MLXIP: variants seen among roughly 807,000 people sequenced by gnomAD.
MLXIP encodes MLX interacting protein, also known as MLX-interacting protein.
A neutral mutation model predicts 87.2 loss-of-function variants in MLXIP; 30 were observed. That is an observed-to-expected ratio of 0.34 (90% CI 0.26 to 0.47). The LOEUF is 0.47. MLXIP is among the 20% of genes least tolerant of loss of function. The probability of loss-of-function intolerance (pLI) is 1.00; values close to 1 mark genes in which losing one functional copy is unlikely to be tolerated. For synonymous variants in MLXIP, 530 were observed against 514.0 expected (o/e 1.03, Z -0.42); for missense variants, 1,002 against 1,240.1 (o/e 0.81, Z 2.88).
At chr12:122,112,057 A>G (rs897918542) in intron 1 of MLXIP, among the ~76,000 whole-genome samples, 2 of 152,252 alleles carry the variant, frequency 1.3e-5, no homozygotes, top group African/African-American at 4.8e-5. Flanking sequence ...TTAAAAGATG[A>G]TGGGTGCTAA....
chr12:122,097,144 C>G (rs759990826), intron 1 of MLXIP, among the ~76,000 whole-genome samples: 12 of 152,080 alleles, frequency 7.9e-5, no homozygotes, highest in Non-Finnish European at 2.9e-5. Context: ...AGCTTTTGGC[C>G]GAAGGCATGA....
In MLXIP at chr12:122,138,420, G is replaced by A. The variant is rs1953134095; in HGVS notation, c.2257-4G>A. 1 of 1,613,458 alleles carries A rather than the reference G, an allele frequency of 6.2e-7. No homozygotes were observed. The highest frequency in any genetic ancestry group is 8.5e-7 in the Non-Finnish European group (1 of 1,179,624). On this transcript the variant is annotated splice_region_variant and splice_polypyrimidine_tract_variant and intron_variant, in intron 13 of 16. Coordinates refer to ENST00000319080, the MANE Select transcript of MLXIP (RefSeq NM_014938.6). ...CTGCCTCCAGCCACCTGCCCCTTCTGCAGACCAGTCACGCCATCACACTGC... is the reference window on the plus strand; with the variant it reads ...CTGCCTCCAGCCACCTGCCCCTTCTACAGACCAGTCACGCCATCACACTGC...
chr12:122,098,432 T>C (rs562436142), intron 1 of MLXIP, among the ~76,000 whole-genome samples: 1 of 152,314 alleles, frequency 6.6e-6, no homozygotes, highest in Non-Finnish European at 1.5e-5. Context: ...AGCAGCGCTC[T>C]TTCAGTTCTT....
intron 15 of MLXIP, among the ~76,000 whole-genome samples, chr12:122,140,181 C>T (rs1260962918): frequency 2.6e-5 from 4 of 152,158 alleles, no homozygotes; most frequent in African/African-American, 4.8e-5. Flanking sequence ...GATCAAAGTC[C>T]GAGGGGAAAC....
intron 3 of MLXIP, chr12:122,128,861 C>T (rs1284292625): frequency 2.5e-6 from 1 of 407,944 alleles, no homozygotes; most frequent in East Asian, 4.4e-5. Context: ...GTGGAGCATT[C>T]TGCTCTCACC....
intron 1 of MLXIP, among the ~76,000 whole-genome samples, chr12:122,087,557 T>C (rs1022557684): frequency 1.3e-5 from 2 of 152,112 alleles, no homozygotes; most frequent in African/African-American, 4.8e-5. Flanking sequence ...GGAGTGAGCT[T>C]GGCGCATTGC....
At chr12:122,096,696 G>A (rs757293183) in intron 1 of MLXIP, among the ~76,000 whole-genome samples, 13 of 152,220 alleles carry the variant, frequency 8.5e-5, no homozygotes, top group Non-Finnish European at 1.9e-4. Context: ...CGCACAGTCA[G>A]CAGCATGCCC....
At chr12:122,120,636 G>C (rs960899763) in intron 1 of MLXIP, among the ~76,000 whole-genome samples, 1 of 152,170 alleles carries the variant, frequency 6.6e-6, no homozygotes, top group African/African-American at 2.4e-5. Flanking sequence ...GTCAGCAGAT[G>C]GTGGCCAAAA....
rs755543419 is a variant in MLXIP, at chr12:122,138,504, G to A, written c.2337G>A (p.Glu779=). The change falls in exon 14 of 17, where the codon GAG becomes GAA. Residue 779 remains glutamate (E), a synonymous_variant. Transcript: ENST00000319080. ...LQQERGQMQE[E]ARRLREEIEE... ...AGGAGAGAGGCCAGATGCAGGAGGA[G>A]GCCCGGCGGCTGCGGGAGGAGATCG... 3.0e-5 allele frequency: 48 copies of A among 1,613,790 alleles called. No individual in the cohort carries two copies. In the East Asian group the frequency reaches 1.0e-3, roughly 34 times the overall value.
chr12:122,098,668 C>G (rs570343027), intron 1 of MLXIP, among the ~76,000 whole-genome samples: 3 of 152,272 alleles, frequency 2.0e-5, no homozygotes, highest in East Asian at 3.9e-4. Context: ...CTCAAAGTCA[C>G]GGGGACTTGA....
chr12:122,083,342 C>T (rs1952118892), intron 1 of MLXIP, among the ~76,000 whole-genome samples: 1 of 151,754 alleles, frequency 6.6e-6, no homozygotes, highest in African/African-American at 2.4e-5. Flanking sequence ...TAAATTAGGG[C>T]TTGTAAGATA....
At chr12:122,101,133 A>G (rs1952429687) in intron 1 of MLXIP, among the ~76,000 whole-genome samples, 1 of 152,222 alleles carries the variant, frequency 6.6e-6, no homozygotes, top group African/African-American at 2.4e-5. Context: ...ACTTTTTGCC[A>G]ATTATGAGAT....
At position 122,135,607 on chromosome 12, in the gene MLXIP, G is replaced by T; in HGVS notation, c.1973G>T (p.Gly658Val). ...LFPSTAQDPL[G>V]KGEQVPLHGG... ...CCAAGCACAGCGCAAGACCCCCTGGGGAAGGGCGAGCAGGTCCCGCTGCAT... is the reference window on the plus strand; with the variant it reads ...CCAAGCACAGCGCAAGACCCCCTGGTGAAGGGCGAGCAGGTCCCGCTGCAT... The change falls in exon 11 of 17, where the codon GGG (glycine) becomes GTG (valine). Residue 658 changes from glycine (G) to valine (V), a missense_variant. Gly to Val is a moderately radical substitution (Grantham distance 109, BLOSUM62 -3). Coordinates refer to ENST00000319080, the MANE Select transcript of MLXIP (RefSeq NM_014938.6). This position sits in a 1 kb window ranked among gnomAD's most constrained non-coding sequence, Gnocchi z 5.3. 6.3e-7 allele frequency: 1 copy of T among 1,577,320 alleles called. No homozygotes were observed. The highest frequency in any genetic ancestry group is 8.6e-7 in the Non-Finnish European group (1 of 1,163,032).
rs1217053898 is a variant in MLXIP, at chr12:122,142,750, T to A, written c.*938T>A. 1 of 173,628 alleles carries A rather than the reference T, an allele frequency of 5.8e-6. No individual in the cohort carries two copies. Among genetic ancestry groups the A allele is most frequent in the Non-Finnish European group, 1.2e-5 (1 of 80,750 alleles). The allele number at this position is 173,628 out of a possible 1,614,324, so 10.8% of individuals were successfully genotyped here. On this transcript the variant is annotated 3_prime_UTR_variant, in exon 17 of 17. Transcript: ENST00000319080. Reference sequence around the variant, plus strand: ...CTGTCAGCCTTGTCATCTTGTCTGATGTCTTTCAGCTGGGAGCCCCAAACC... The same window carrying A: ...CTGTCAGCCTTGTCATCTTGTCTGAAGTCTTTCAGCTGGGAGCCCCAAACC...
chr12:122,090,255 C>T (rs951210773), intron 1 of MLXIP, among the ~76,000 whole-genome samples: 1 of 152,048 alleles, frequency 6.6e-6, no homozygotes, highest in Non-Finnish European at 1.5e-5. Flanking sequence ...CAACACTTTG[C>T]GAGGCCGAGG....
intron 11 of MLXIP, chr12:122,136,713 G>A (rs193171612): frequency 7.2e-5 from 11 of 152,288 alleles, no homozygotes; most frequent in Admixed American, 7.2e-4. Flanking sequence ...CGCGAATGAG[G>A]GAGGGTCTCT....
At chr12:122,084,610 G>A (rs1350092305) in intron 1 of MLXIP, among the ~76,000 whole-genome samples, 1 of 152,162 alleles carries the variant, frequency 6.6e-6, no homozygotes, top group Non-Finnish European at 1.5e-5. Flanking sequence ...GCAGTGGCGT[G>A]ATCTTGGCTC....
intron 1 of MLXIP, among the ~76,000 whole-genome samples, chr12:122,105,744 C>T (rs1952508863): frequency 6.6e-6 from 1 of 151,548 alleles, no homozygotes; most frequent in African/African-American, 2.4e-5. Context: ...TGTGCCACTG[C>T]AGTCCGGCCT....
intron 1 of MLXIP, among the ~76,000 whole-genome samples, chr12:122,087,925 A>G (rs574023605): frequency 2.0e-5 from 3 of 152,276 alleles, no homozygotes; most frequent in African/African-American, 7.2e-5. Context: ...AGTGACTCTG[A>G]GGTTTGGCCT....
Sources: gnomAD v4.1 joint callset for allele counts (sites outside exome capture counted in the v4.1 genomes callset) on GRCh38, gnomAD v4.1.1 for gene constraint, Gnocchi (gnomAD v3.1) non-coding constraint, MANE v1.5 for transcripts, NCBI Gene and HGNC (gene_info 2026-07-23, HGNC 2026-07-21) for gene names.